TRAF2: variants seen among roughly 807,000 people sequenced by gnomAD.
TRAF2 encodes the protein TNF receptor-associated factor 2.
TRAF2 carries 6 observed loss-of-function variants against 55.6 expected under a neutral mutation model. The observed-to-expected ratio is 0.11, with a 90% CI of 0.06 to 0.21. The LOEUF is 0.21. Ranked by LOEUF, TRAF2 falls within the 10% of genes least tolerant of loss-of-function variation. The pLI, the probability that TRAF2 is intolerant of heterozygous loss-of-function variation, is 1.00. For missense variants in TRAF2, 561 were observed against 684.5 expected, an observed-to-expected ratio of 0.82 and a Z score of 2.01; for synonymous variants, 329 against 276.3, an observed-to-expected ratio of 1.19 and a Z score of -1.89.
chr9:136,912,165 T>C (rs1564416096), intron 6 of TRAF2, among the ~76,000 whole-genome samples: 4 of 131,062 alleles, frequency 3.1e-5, no homozygotes, highest in African/African-American at 1.2e-4. Flanking sequence ...TTTTTTTTTT[T>C]TTTTTTTTTT....
chr9:136,907,906 C>T (rs1260134883), intron 4 of TRAF2, among the ~76,000 whole-genome samples, 164 bp from the exon 5 acceptor site: 1 of 151,968 alleles, frequency 6.6e-6, no homozygotes, highest in Non-Finnish European at 1.5e-5. Context: ...CTCCTCCTGC[C>T]CTCCCACCTG....
intron 5 of TRAF2, among the ~76,000 whole-genome samples, chr9:136,909,052 GAA>G (rs1419719284): frequency 1.4e-5 from 2 of 147,142 alleles, no homozygotes; most frequent in African/African-American, 5.0e-5. Context: ...AAAAAAAAAA[GAA>G]AAAAAATTTT....
At chr9:136,904,113 T>C (rs1849889935) in intron 4 of TRAF2, among the ~76,000 whole-genome samples, 1 of 152,210 alleles carries the variant, frequency 6.6e-6, no homozygotes, top group Admixed American at 6.5e-5. Flanking sequence ...CCAGCCTACT[T>C]TCAGCCCTTC....
intron 8 of TRAF2, 65 bp downstream of exon 8, chr9:136,920,580 CA>C (rs1360492681): frequency 1.3e-6 from 2 of 1,517,562 alleles, no homozygotes; most frequent in Non-Finnish European, 1.8e-6. Context: ...GTTCGTGCCC[CA>C]GCAGGTTCTA....
At chr9:136,886,921 C>G (rs867367101) in intron 1 of TRAF2, 1 of 152,436 alleles carries the variant, frequency 6.6e-6, no homozygotes, top group Non-Finnish European at 1.5e-5. Flanking sequence ...CCTGTCGCCC[C>G]TCCACGCTCA....
chr9:136,913,097 C>T (rs540878676), intron 6 of TRAF2, among the ~76,000 whole-genome samples: 219 of 152,068 alleles, frequency 1.4e-3, no homozygotes, highest in African/African-American at 5.1e-3. Context: ...GAGCCAAGAT[C>T]GCGCCAGTGC....
At chr9:136,905,581 G>C (rs1370650611) in intron 4 of TRAF2, among the ~76,000 whole-genome samples, 1 of 152,194 alleles carries the variant, frequency 6.6e-6, no homozygotes, top group African/African-American at 2.4e-5. Flanking sequence ...ACTTGAAAAT[G>C]GTTAAGATGA....
chr9:136,910,884 C>G (rs1351313720), intron 6 of TRAF2, among the ~76,000 whole-genome samples: 1 of 152,208 alleles, frequency 6.6e-6, no homozygotes, highest in Non-Finnish European at 1.5e-5. Context: ...TGAGCTTGGC[C>G]GAGTGCTGTC....
In TRAF2 at chr9:136,898,860, C is replaced by T. The variant is rs754222591; in HGVS notation, c.120C>T (p.Val40=). 8 of 1,613,546 alleles carry T rather than the reference C, an allele frequency of 5.0e-6. No homozygotes were observed. The highest frequency in any genetic ancestry group is 2.2e-5 in the South Asian group (2 of 91,068). Residue 40 remains valine (V), a synonymous_variant, in exon 2 of 11, where the codon GTC becomes GTT. Coordinates refer to ENST00000247668, the MANE Select transcript of TRAF2 (RefSeq NM_021138.4). ...ACCTGTGCTCCGCCTGCAGAAACGTCCTCCGCAGGCCCTTCCAGGCGCAGT... is the reference window on the plus strand; with the variant it reads ...ACCTGTGCTCCGCCTGCAGAAACGTTCTCCGCAGGCCCTTCCAGGCGCAGT... ...AKYLCSACRN[V]LRRPFQAQCG...
At chr9:136,913,341 A>C (rs1588437999) in intron 6 of TRAF2, among the ~76,000 whole-genome samples, 1 of 115,958 alleles carries the variant, frequency 8.6e-6, no homozygotes. Flanking sequence ...TCTGCCGCCC[A>C]GGCTGGAGTG....
intron 3 of TRAF2, 34 bp from the exon 4 acceptor site, chr9:136,900,388 G>C: frequency 6.7e-7 from 1 of 1,488,458 alleles, no homozygotes; most frequent in Non-Finnish European, 9.1e-7. Context: ...GAGTCTGGGA[G>C]GAGGTTTAAC....
intron 10 of TRAF2, among the ~76,000 whole-genome samples, chr9:136,924,889 C>T (rs1010537968): frequency 5.5e-4 from 83 of 152,134 alleles, no homozygotes; most frequent in African/African-American, 1.8e-3. Context: ...CAGGCATGCA[C>T]CACCACGCCC....
chr9:136,917,777 TCTG>T (rs1374901169), intron 7 of TRAF2, among the ~76,000 whole-genome samples: 1 of 152,194 alleles, frequency 6.6e-6, no homozygotes, highest in Non-Finnish European at 1.5e-5. Context: ...TGGATAGTCT[TCTG>T]CTGTCCGTGT....
At position 136,900,392 on chromosome 9, in the gene TRAF2, G is replaced by T. The variant is rs17250211; in HGVS notation, c.268-30G>T. The T allele has an allele frequency of 1.6e-5, 24 of 1,532,260 alleles. No individual in the cohort carries two copies. In the African/African-American group the frequency reaches 2.9e-4, roughly 18 times the overall value. 94.9% of individuals were successfully genotyped at this position (1,532,260 alleles called of 1,614,324 possible). A position where few individuals can be genotyped will look rare whatever the true frequency, so the allele number is the denominator to read the frequency against. ...GTTGCTGCAGGGAGTCTGGGAGGAG[G>T]TTTAACCCGAGGGATATTCCTCTCC... On this transcript the variant is annotated intron_variant, in intron 3 of 10. Coordinates refer to ENST00000247668, the MANE Select transcript of TRAF2 (RefSeq NM_021138.4).
At chr9:136,914,439 G>T (rs1850193254) in intron 6 of TRAF2, among the ~76,000 whole-genome samples, 1 of 152,222 alleles carries the variant, frequency 6.6e-6, no homozygotes, top group Non-Finnish European at 1.5e-5. Context: ...GGGCCCTGCT[G>T]TGGCTCAAGA....
upstream of TRAF2, chr9:136,882,546 C>CAA (rs978274055): frequency 2.3e-5 from 10 of 441,586 alleles, no homozygotes; most frequent in African/African-American, 2.1e-4. Context: ...CCTGCTCCTG[C>CAA]AACCCCCATC....
chr9:136,896,438 C>T (rs888464883), intron 1 of TRAF2, among the ~76,000 whole-genome samples: 4 of 152,224 alleles, frequency 2.6e-5, no homozygotes, highest in South Asian at 4.1e-4. Context: ...CCGCAGCTTC[C>T]TGTTGCTACT....
rs17250757 is a variant in TRAF2, at chr9:136,888,761, C to G, written c.-29+2220C>G. 7.3e-3 allele frequency among the ~76,000 whole-genome samples: 1,116 copies of G among 152,332 alleles called. 7 individuals carry two copies. The highest frequency in any genetic ancestry group is 0.01 in the Non-Finnish European group (686 of 68,022). On this transcript the variant is annotated intron_variant, in intron 1 of 10. Transcript: ENST00000247668. Reference sequence around the variant, plus strand: ...ACACCAGAGTCAGGATGCCAGGTCTCAGCTGCCTGATGACTCCAGCTTAGT... The same window carrying G: ...ACACCAGAGTCAGGATGCCAGGTCTGAGCTGCCTGATGACTCCAGCTTAGT...
At chr9:136,895,585 T>C (rs1481998709) in intron 1 of TRAF2, among the ~76,000 whole-genome samples, 1 of 152,190 alleles carries the variant, frequency 6.6e-6, no homozygotes, top group East Asian at 1.9e-4. Context: ...CCAGGCACGG[T>C]GGCTCCTACC....
Sources: gnomAD v4.1 joint callset for allele counts (sites outside exome capture counted in the v4.1 genomes callset) on GRCh38, gnomAD v4.1.1 for gene constraint, MANE v1.5 for transcripts, NCBI Gene and HGNC (gene_info 2026-07-23, HGNC 2026-07-21) for gene names.